The following ARHGEF28 variants were observed in gnomAD, a reference collection of about 807,000 sequenced individuals.
ARHGEF28 encodes the protein Rho guanine nucleotide exchange factor 28, also known as 190 kDa guanine nucleotide exchange factor.
In ARHGEF28, 152 loss-of-function variants were observed where a neutral mutation model predicts 206.6. That is an observed-to-expected ratio of 0.74 (90% CI 0.64 to 0.84). ARHGEF28 has a LOEUF of 0.84. Among genes scored for constraint, ARHGEF28 ranks in the 40% least tolerant of loss-of-function variants. The probability of loss-of-function intolerance (pLI) is 0.00; values close to 1 mark genes in which losing one functional copy is unlikely to be tolerated. For synonymous variants in ARHGEF28, 763 were observed against 776.4 expected (o/e 0.98, Z 0.29); for missense variants, 2,028 against 2,073.2 (o/e 0.98, Z 0.42).
intron 9 of ARHGEF28, among the ~76,000 whole-genome samples, chr5:73,803,048 C>G (rs1430947936): frequency 6.6e-6 from 1 of 152,104 alleles, no homozygotes; most frequent in Non-Finnish European, 1.5e-5. Context: ...GTACAATTTA[C>G]TTTACCTTTT....
At chr5:73,653,185 C>T (rs1018067992) in intron 1 of ARHGEF28, among the ~76,000 whole-genome samples, 5 of 152,154 alleles carry the variant, frequency 3.3e-5, no homozygotes, top group South Asian at 4.1e-4. Flanking sequence ...TGTTTCTTGC[C>T]TTGGTTCTTC....
chr5:73,888,043 C>T (rs961952502), intron 26 of ARHGEF28, among the ~76,000 whole-genome samples: 8 of 152,206 alleles, frequency 5.3e-5, no homozygotes, highest in African/African-American at 1.2e-4. Context: ...CTTCCCCGCC[C>T]CTTCGGCCCC....
At chr5:73,685,004 C>T (rs1747364176) in intron 2 of ARHGEF28, 120 bp downstream of exon 2, 1 of 1,008,466 alleles carries the variant, frequency 9.9e-7, no homozygotes, top group Non-Finnish European at 1.5e-6. Context: ...AAAAACAACA[C>T]ACTGAGCGTT....
At chr5:73,870,343 T>C (rs1243353020) in intron 21 of ARHGEF28, 134 bp downstream of exon 21, 11 of 1,124,508 alleles carry the variant, frequency 9.8e-6, no homozygotes, top group Non-Finnish European at 1.2e-5. Context: ...AGACAAATTA[T>C]TTAGATCACC....
chr5:73,893,573 A>T (rs947028523), intron 28 of ARHGEF28, among the ~76,000 whole-genome samples: 1 of 152,222 alleles, frequency 6.6e-6, no homozygotes, highest in Non-Finnish European at 1.5e-5. Context: ...TATTTGTCTC[A>T]TGGTTTAATT....
At chr5:73,772,448 C>T (rs893593023) in intron 4 of ARHGEF28, among the ~76,000 whole-genome samples, 4 of 152,146 alleles carry the variant, frequency 2.6e-5, no homozygotes, top group Non-Finnish European at 4.4e-5. Flanking sequence ...GTGCAATCTC[C>T]ACTCACTGCA....
intron 1 of ARHGEF28, among the ~76,000 whole-genome samples, chr5:73,652,006 G>T (rs949547577): frequency 6.6e-6 from 1 of 152,148 alleles, no homozygotes; most frequent in Non-Finnish European, 1.5e-5. Flanking sequence ...TGGTTCCGTT[G>T]GGCCTCAAGT....
intron 16 of ARHGEF28, among the ~76,000 whole-genome samples, chr5:73,861,409 G>T (rs1201845929): frequency 6.6e-6 from 1 of 152,188 alleles, no homozygotes; most frequent in Non-Finnish European, 1.5e-5. Context: ...TAGAGAAAAA[G>T]ACTATTAATA....
intron 30 of ARHGEF28, 92 bp downstream of exon 30, chr5:73,898,185 G>T: frequency 6.9e-7 from 1 of 1,440,890 alleles, no homozygotes; most frequent in Non-Finnish European, 9.3e-7. Flanking sequence ...ACTGTCTCTG[G>T]TTGAAGGGGA....
intron 35 of ARHGEF28, among the ~76,000 whole-genome samples, chr5:73,936,077 A>G (rs775959378): frequency 6.6e-6 from 1 of 152,230 alleles, no homozygotes; most frequent in Non-Finnish European, 1.5e-5. Flanking sequence ...TCATTTAACA[A>G]TGATCACGAT....
At chr5:73,679,145 TAA>T (rs911766908) in intron 1 of ARHGEF28, among the ~76,000 whole-genome samples, 1 of 152,176 alleles carries the variant, frequency 6.6e-6, no homozygotes, top group Admixed American at 6.5e-5. Flanking sequence ...GAAGATTAAA[TAA>T]AAAAAGTTAG....
intron 1 of ARHGEF28, among the ~76,000 whole-genome samples, chr5:73,684,624 C>T (rs779044629): frequency 2.6e-5 from 4 of 152,092 alleles, no homozygotes; most frequent in Non-Finnish European, 2.9e-5. Context: ...GGTAATTCTA[C>T]GTGTAATATT....
Position 73,774,025 on chromosome 5 carries a change from G to T in ARHGEF28, c.646G>T (p.Glu216Ter), listed in dbSNP as rs370242634. 1.3e-6 allele frequency: 2 copies of T among 1,594,100 alleles called. No individual in the cohort carries two copies. The highest frequency in any genetic ancestry group is 2.7e-5 in the African/African-American group (2 of 74,698). Residue 216 changes from glutamate (E) to a stop codon, truncating the protein, a stop_gained, in exon 5 of 36, where the codon GAA (glutamate) becomes TAA (stop). Coordinates refer to ENST00000513042, the MANE Select transcript of ARHGEF28 (RefSeq NM_001177693.2). LOFTEE classifies it high-confidence loss of function. ...ACGTGAAGGACACTCCAAGCTGGTG[G>T]AAGACGTCACAAAGTGAGTTTAGCT... ...ALREGHSKLV[E>*]DVTNFQGRWS...
intron 1 of ARHGEF28, among the ~76,000 whole-genome samples, chr5:73,626,805 T>C (rs1743040622): frequency 6.6e-6 from 1 of 152,220 alleles, no homozygotes; most frequent in African/African-American, 2.4e-5. Context: ...CACTACCACT[T>C]ACTCGTGTGG....
At position 73,940,831 on chromosome 5, in the gene ARHGEF28, C is replaced by A; in HGVS notation, c.4949-13C>A. ...GGTGGCCTCCTGTAACCTGTGCTGT[C>A]TGTTTCTTGCAGATTTGGACACCTC... On this transcript the variant is annotated splice_polypyrimidine_tract_variant and intron_variant, in intron 35 of 35. Coordinates refer to ENST00000513042, the MANE Select transcript of ARHGEF28 (RefSeq NM_001177693.2). The A allele has an allele frequency of 6.8e-7, 1 of 1,475,272 alleles. No individual in the cohort carries two copies. The highest frequency in any genetic ancestry group is 1.4e-5 in the South Asian group (1 of 72,204). The allele number at this position is 1,475,272 out of a possible 1,614,324, so 91.4% of individuals were successfully genotyped here.
At position 73,892,142 on chromosome 5, in the gene ARHGEF28, T is replaced by C. The variant is rs1761680164; in HGVS notation, c.3478T>C (p.Ser1160Pro). The C allele has an allele frequency of 1.3e-6, 2 of 1,588,752 alleles. No individual in the cohort carries two copies. Among genetic ancestry groups the C allele is most frequent in the East Asian group, 2.3e-5 (1 of 44,292 alleles). The change falls in exon 27 of 36, where the codon TCT becomes CCT. Residue 1160 changes from serine (S) to proline (P), a missense_variant. Ser to Pro is a moderately conservative substitution (Grantham distance 74). Coordinates refer to ENST00000513042, the MANE Select transcript of ARHGEF28 (RefSeq NM_001177693.2). ...ERGMFLISAS[S>P]AGPEMYEIHT... ...AGGAATGTTTCTGATCAGTGCTTCA[T>C]CTGCTGGTCCTGAGATGTATGAAAT...
chr5:73,825,486 G>T (rs893012819), intron 9 of ARHGEF28, among the ~76,000 whole-genome samples: 2 of 152,140 alleles, frequency 1.3e-5, no homozygotes, highest in African/African-American at 4.8e-5. Context: ...GCAACGGGAG[G>T]CACTGTAGGT....
At chr5:73,933,453 T>C (rs548254526) in intron 35 of ARHGEF28, among the ~76,000 whole-genome samples, 1 of 152,310 alleles carries the variant, frequency 6.6e-6, no homozygotes, top group East Asian at 1.9e-4. Flanking sequence ...TGTCATACAG[T>C]TGCATTAAAA....
At chr5:73,795,249 T>A in intron 8 of ARHGEF28, 82 bp from the exon 9 acceptor site, 1 of 1,269,648 alleles carries the variant, frequency 7.9e-7, no homozygotes, top group South Asian at 1.3e-5. Context: ...TTTCCAAGGT[T>A]GTTTTTCTAG....
Sources: gnomAD v4.1 joint callset for allele counts (sites outside exome capture counted in the v4.1 genomes callset) on GRCh38, gnomAD v4.1.1 for gene constraint, MANE v1.5 for transcripts, NCBI Gene and HGNC (gene_info 2026-07-23, HGNC 2026-07-21) for gene names.